The following SMAD3 variants were observed in gnomAD, a reference collection of about 807,000 sequenced individuals.
SMAD3 encodes the protein SMAD family member 3, also known as MAD homolog 3.
Under a neutral mutation model 51.8 loss-of-function variants are expected in SMAD3, and 12 were observed. The ratio of observed to expected loss-of-function variants is 0.23; its 90% CI spans 0.15 to 0.38. The LOEUF is 0.38. Ranked by LOEUF, SMAD3 falls within the 10% of genes least tolerant of loss-of-function variation. The pLI is 1.00. For synonymous variants in SMAD3, 238 were observed against 227.7 expected (o/e 1.05, Z -0.41); for missense variants, 294 against 565.6 (o/e 0.52, Z 4.87).
intron 6 of SMAD3, 101 bp downstream of exon 6, chr15:67,181,554 C>A (rs1169288801): frequency 2.0e-6 from 2 of 1,003,692 alleles, no homozygotes; most frequent in Admixed American, 2.0e-5. Flanking sequence ...GGGAACCTTG[C>A]GTCCATCCTT....
chr15:67,156,671 C>G (rs1156651165), intron 1 of SMAD3, among the ~76,000 whole-genome samples: 3 of 147,110 alleles, frequency 2.0e-5, no homozygotes, highest in African/African-American at 7.6e-5. Flanking sequence ...AACCCAGCAG[C>G]TTAAATCCAT....
rs577952011 is a variant in SMAD3, at chr15:67,194,979, G to C, written c.*4443G>C. 3 of 233,554 alleles carry C rather than the reference G, an allele frequency of 1.3e-5. No homozygotes were observed. The highest frequency in any genetic ancestry group is 2.5e-5 in the Non-Finnish European group (3 of 117,964). 14.5% of individuals were successfully genotyped at this position (233,554 alleles called of 1,614,324 possible). ...ACTGTGTTGATTACCTTCACTATTC[G>C]GCCAGCCTGACCTTTTAATAACTTT... is the stretch of plus-strand genomic sequence containing the variant. On this transcript the variant is annotated 3_prime_UTR_variant, in exon 9 of 9. Coordinates refer to ENST00000327367, the MANE Select transcript of SMAD3 (RefSeq NM_005902.4).
At chr15:67,073,623 A>G (rs1960104325) in intron 1 of SMAD3, among the ~76,000 whole-genome samples, 1 of 152,126 alleles carries the variant, frequency 6.6e-6, no homozygotes, top group South Asian at 2.1e-4. Flanking sequence ...GATAAACTCT[A>G]TTGGAGGGCC....
At chr15:67,153,836 C>T (rs1962213043) in intron 1 of SMAD3, among the ~76,000 whole-genome samples, 1 of 152,214 alleles carries the variant, frequency 6.6e-6, no homozygotes, top group Admixed American at 6.5e-5. Context: ...TTCTTGGTGT[C>T]TGCGTGCTTT....
At chr15:67,139,704 A>G (rs1961766357) in intron 1 of SMAD3, among the ~76,000 whole-genome samples, 1 of 152,136 alleles carries the variant, frequency 6.6e-6, no homozygotes, top group Non-Finnish European at 1.5e-5. Context: ...GGGAAATGTT[A>G]ACTGATCAAA....
chr15:67,073,535 C>T (rs1960102258), intron 1 of SMAD3, among the ~76,000 whole-genome samples: 1 of 152,160 alleles, frequency 6.6e-6, no homozygotes, highest in Non-Finnish European at 1.5e-5. Flanking sequence ...AGACGTGGCT[C>T]TGTTTCTGAT....
intron 1 of SMAD3, among the ~76,000 whole-genome samples, chr15:67,090,567 G>C (rs1960488682): frequency 6.6e-6 from 1 of 152,094 alleles, no homozygotes; most frequent in Admixed American, 6.5e-5. Context: ...GATGGGGCAG[G>C]GTGGTAAACA....
At position 67,184,982 on chromosome 15, in the gene SMAD3, C is replaced by T; in HGVS notation, c.1009+118C>T. The T allele has an allele frequency of 2.3e-6, 3 of 1,333,172 alleles. No homozygotes were observed. In the South Asian group the frequency reaches 3.6e-5, roughly 16 times the overall value. 82.6% of individuals were successfully genotyped at this position (1,333,172 alleles called of 1,614,324 possible). ...GCTCACTCATGATTGCGTTGTCAATCTGGAGGTGATTGGATTAGGTTTTCT... is the reference window on the plus strand; with the variant it reads ...GCTCACTCATGATTGCGTTGTCAATTTGGAGGTGATTGGATTAGGTTTTCT... On this transcript the variant is annotated intron_variant, in intron 7 of 8. Transcript: ENST00000327367.
chr15:67,163,292 C>T (rs56062135), intron 1 of SMAD3, among the ~76,000 whole-genome samples: 27,235 of 152,024 alleles, frequency 0.18, 2,889 homozygotes, highest in Non-Finnish European at 0.24. Context: ...ATGGAGGGTC[C>T]CTGCAGACAG....
chr15:67,084,701 A>G (rs1474790944), intron 1 of SMAD3, among the ~76,000 whole-genome samples: 1 of 152,196 alleles, frequency 6.6e-6, no homozygotes, highest in Non-Finnish European at 1.5e-5. Flanking sequence ...ACCTCCCCTG[A>G]GAACCGACTC....
intron 1 of SMAD3, among the ~76,000 whole-genome samples, chr15:67,080,124 G>A (rs904157975): frequency 2.0e-5 from 3 of 152,176 alleles, no homozygotes; most frequent in Admixed American, 1.3e-4. Flanking sequence ...CCTGCCTCTG[G>A]TCTTGATACC....
chr15:67,113,588 T>C (rs1961071884), intron 1 of SMAD3, among the ~76,000 whole-genome samples: 1 of 152,180 alleles, frequency 6.6e-6, no homozygotes, highest in Non-Finnish European at 1.5e-5. Flanking sequence ...TGTGAGATTG[T>C]TGGAAGTAGC....
At chr15:67,170,800 GGAAA>G (rs1962730444) in intron 5 of SMAD3, 196 bp downstream of exon 5, 1 of 576,606 alleles carries the variant, frequency 1.7e-6, no homozygotes, top group South Asian at 2.1e-5. Flanking sequence ...AGTGGTGGCA[GGAAA>G]GACAACCATA....
chr15:67,181,420 A>T lies in SMAD3; in HGVS notation c.838A>T (p.Asn280Tyr), dbSNP rs2140314384. Reference sequence around the variant, plus strand: ...AGGGCTGCTCTCCAATGTCAACAGGAATGCAGCAGTGGAGCTGACACGGAG... The same window carrying T: ...AGGGCTGCTCTCCAATGTCAACAGGTATGCAGCAGTGGAGCTGACACGGAG... ...CLGLLSNVNR[N>Y]AAVELTRRHI... Residue 280 changes from asparagine (N) to tyrosine (Y), a missense_variant, in exon 6 of 9, where the codon AAT (asparagine) becomes TAT (tyrosine). Transcript: ENST00000327367. 6.2e-7 allele frequency: 1 copy of T among 1,613,934 alleles called. No homozygotes were observed. Among genetic ancestry groups the T allele is most frequent in the Non-Finnish European group, 8.5e-7 (1 of 1,180,006 alleles).
chr15:67,094,413 G>T (rs528630502), intron 1 of SMAD3, among the ~76,000 whole-genome samples: 1 of 152,298 alleles, frequency 6.6e-6, no homozygotes, highest in South Asian at 2.1e-4. Context: ...TTACCTGGCT[G>T]CCTTCTAAAG....
intron 1 of SMAD3, among the ~76,000 whole-genome samples, chr15:67,084,336 C>T (rs546431545): frequency 6.6e-6 from 1 of 152,036 alleles, no homozygotes; most frequent in African/African-American, 2.4e-5. Context: ...CTGCCTCGGC[C>T]TCCCAAAGTG....
chr15:67,092,198 AG>A (rs1279795964), intron 1 of SMAD3, among the ~76,000 whole-genome samples: 6 of 152,180 alleles, frequency 3.9e-5, no homozygotes, highest in African/African-American at 1.4e-4. Context: ...AGCCCCAGGG[AG>A]GACACAGCAG....
chr15:67,074,155 C>T (rs1280383664), intron 1 of SMAD3, among the ~76,000 whole-genome samples: 2 of 152,328 alleles, frequency 1.3e-5, no homozygotes, highest in African/African-American at 2.4e-5. Flanking sequence ...TCTTCCTTGC[C>T]TCTTCCTTAC....
At chr15:67,166,673 CACGGATG>C in intron 3 of SMAD3, 99 bp from the exon 4 acceptor site, 1 of 781,260 alleles carries the variant, frequency 1.3e-6, no homozygotes, top group Admixed American at 2.0e-5. Flanking sequence ...CTCCTACAGC[CACGGATG>C]CTAGCATCAT....
Sources: gnomAD v4.1 joint callset for allele counts (sites outside exome capture counted in the v4.1 genomes callset) on GRCh38, gnomAD v4.1.1 for gene constraint, MANE v1.5 for transcripts, NCBI Gene and HGNC (gene_info 2026-07-23, HGNC 2026-07-21) for gene names.